The following USP50 variants were observed in gnomAD, a reference collection of about 807,000 sequenced individuals.
USP50 encodes the protein ubiquitin specific peptidase 50.
A neutral mutation model predicts 39.2 loss-of-function variants in USP50; 37 were observed. The ratio of observed to expected loss-of-function variants is 0.94; its 90% CI spans 0.73 to 1.24. The LOEUF (loss-of-function observed/expected upper bound fraction) is 1.24. USP50 is among the 50% of genes most tolerant of loss of function. The probability of loss-of-function intolerance (pLI) is 0.00; values close to 1 mark genes in which losing one functional copy is unlikely to be tolerated. For missense variants in USP50, 374 were observed against 398.2 expected, an observed-to-expected ratio of 0.94 and a Z score of 0.52; for synonymous variants, 139 against 144.5, an observed-to-expected ratio of 0.96 and a Z score of 0.27.
chr15:50,501,480 G>C (rs775355168), intron 6 of USP50: 3 of 151,178 alleles, frequency 2.0e-5, no homozygotes, highest in Non-Finnish European at 4.4e-5. Context: ...TCTTAAAATT[G>C]TAAGTTCATT....
chr15:50,499,417 C>T (rs2052534305), downstream of USP50: 1 of 177,552 alleles, frequency 5.6e-6, no homozygotes, highest in Non-Finnish European at 1.2e-5. Context: ...CTGTTATGGC[C>T]TTTTCACATT....
At chr15:50,498,129 G>C (rs76094302), downstream of USP50, among the ~76,000 whole-genome samples, 2,366 of 152,200 alleles carry the variant, frequency 0.016, 61 homozygotes, top group African/African-American at 0.055. Context: ...TCATTGTTTT[G>C]ATGTTTAAAG....
intron 6 of USP50, among the ~76,000 whole-genome samples, chr15:50,523,681 A>G (rs12902819): frequency 0.08 from 12,179 of 152,258 alleles, 549 homozygotes; most frequent in South Asian, 0.12. Context: ...GATTTGAAAA[A>G]TTAACATTGC....
At chr15:50,509,130 CACAAAAAAAA>C (rs2052704273) in intron 6 of USP50, 1 of 16,602 alleles carries the variant, frequency 6.0e-5, no homozygotes, top group African/African-American at 2.5e-4. Flanking sequence ...GAGACTCCGT[CACAAAAAAAA>C]AAAAAAAAAA....
At chr15:50,538,039 G>A (rs1038709213) in intron 5 of USP50, among the ~76,000 whole-genome samples, 2 of 151,552 alleles carry the variant, frequency 1.3e-5, no homozygotes, top group African/African-American at 2.4e-5. Flanking sequence ...AACTTTGGGA[G>A]ACCGAGGTGG....
chr15:50,500,588 CA>C lies in USP50; in HGVS notation c.*180del. 1.8e-6 allele frequency: 1 copy of C among 555,948 alleles called. No individual in the cohort carries two copies. The highest frequency in any genetic ancestry group is 3.2e-6 in the Non-Finnish European group (1 of 311,766). The allele number at this position is 555,948 out of a possible 1,614,324, so 34.4% of individuals were successfully genotyped here. A position where few individuals can be genotyped will look rare whatever the true frequency, so the allele number is the denominator to read the frequency against. On this transcript the variant is annotated 3_prime_UTR_variant, in exon 7 of 7. Transcript: ENST00000532404. The stretch of plus-strand genomic sequence containing the variant: ...AAGTTCTAAGAGTTTAATGACCAAG[CA>C]AAACTCTACCACCAGATGCTGACTG...
At chr15:50,546,363 G>A in intron 1 of USP50, 110 bp downstream of exon 1, 1 of 1,182,478 alleles carries the variant, frequency 8.5e-7, no homozygotes, top group East Asian at 2.4e-5. Flanking sequence ...CCTTCCATGG[G>A]TCACACCTGG....
At chr15:50,523,400 C>T (rs1040020816) in intron 6 of USP50, among the ~76,000 whole-genome samples, 1 of 151,170 alleles carries the variant, frequency 6.6e-6, no homozygotes, top group African/African-American at 2.4e-5. Flanking sequence ...CTTGAACTCC[C>T]GGACTCAAGC....
intron 6 of USP50, chr15:50,505,258 CAA>C (rs904335856): frequency 4.6e-5 from 7 of 151,894 alleles, no homozygotes; most frequent in African/African-American, 1.2e-4. Flanking sequence ...ACAACAGAGA[CAA>C]AGAGAAAAAG....
chr15:50,544,847 C>T (rs1055381736), intron 1 of USP50, 66 bp from the exon 2 acceptor site: 20 of 1,438,902 alleles, frequency 1.4e-5, no homozygotes, highest in Non-Finnish European at 1.9e-5. Flanking sequence ...TGACAATAAG[C>T]TTCTCTTAAT....
chr15:50,526,208 A>G (rs2052897411), intron 6 of USP50, among the ~76,000 whole-genome samples: 1 of 152,066 alleles, frequency 6.6e-6, no homozygotes, highest in Non-Finnish European at 1.5e-5. Flanking sequence ...ACAGGTATGC[A>G]CCACCATGCT....
intron 6 of USP50, among the ~76,000 whole-genome samples, chr15:50,518,374 C>T (rs8037528): frequency 0.082 from 12,428 of 151,940 alleles, 905 homozygotes; most frequent in African/African-American, 0.19. Flanking sequence ...GCACCCACCA[C>T]CACGCCCGGC....
chr15:50,515,245 G>T (rs912903925), intron 6 of USP50, among the ~76,000 whole-genome samples: 10 of 151,894 alleles, frequency 6.6e-5, no homozygotes, highest in African/African-American at 2.4e-4. Flanking sequence ...TTTTGTTGTT[G>T]TTGTTGTTGT....
chr15:50,518,199 A>G (rs965339075), intron 6 of USP50, among the ~76,000 whole-genome samples: 23 of 150,646 alleles, frequency 1.5e-4, no homozygotes, highest in African/African-American at 5.6e-4. Context: ...TTTACAGCCA[A>G]CTGATTTTTC....
At chr15:50,511,110 C>T (rs925705273) in intron 6 of USP50, 1 of 152,154 alleles carries the variant, frequency 6.6e-6, no homozygotes, top group African/African-American at 2.4e-5. Context: ...ACAATTCTTT[C>T]AGATTTTCTG....
At chr15:50,496,221 CT>C, downstream of USP50, 1 of 673,814 alleles carries the variant, frequency 1.5e-6, no homozygotes, top group East Asian at 2.8e-5. Context: ...TGGCTCATAC[CT>C]TGTACTCCCA....
chr15:50,493,159 G>T, downstream of USP50: 1 of 578,912 alleles, frequency 1.7e-6, no homozygotes, highest in Admixed American at 2.2e-5. Context: ...GGACAGACTC[G>T]TCCTGTCGAG....
downstream of USP50, chr15:50,496,952 T>C (rs1419008237): frequency 3.6e-6 from 4 of 1,123,048 alleles, no homozygotes; most frequent in Non-Finnish European, 1.2e-6. Flanking sequence ...ATCACAAGCT[T>C]TGGGAAGGCA....
downstream of USP50, chr15:50,499,098 G>A (rs2052522436): frequency 1.3e-6 from 2 of 1,573,338 alleles, no homozygotes; most frequent in South Asian, 2.3e-5. Flanking sequence ...AGGAGACATA[G>A]GTTATAAACT....
Sources: gnomAD v4.1 joint callset for allele counts (sites outside exome capture counted in the v4.1 genomes callset) on GRCh38, gnomAD v4.1.1 for gene constraint, MANE v1.5 for transcripts, NCBI Gene and HGNC (gene_info 2026-07-23, HGNC 2026-07-21) for gene names.